EDA: variants seen among roughly 807,000 people sequenced by gnomAD.
EDA encodes ectodysplasin-A.
In EDA, 2 loss-of-function variants were observed where a neutral mutation model predicts 23.6. The observed-to-expected ratio is 0.08, with a 90% CI of 0.03 to 0.27. The LOEUF (loss-of-function observed/expected upper bound fraction) is 0.27, where lower values mean the gene tolerates loss of function less well. Among genes scored for constraint, EDA ranks in the 10% least tolerant of loss-of-function variants. The pLI is 1.00. For missense variants in EDA, 229 were observed against 324.2 expected (o/e 0.71, Z 2.26); for synonymous variants, 131 against 132.0 (o/e 0.99, Z 0.05).
intron 1 of EDA, among the ~76,000 whole-genome samples, chrX:69,651,059 G>A (rs1933089457): frequency 1.8e-5 from 2 of 111,643 alleles, no homozygotes; most frequent in Admixed American, 1.9e-4. Context: ...GTAGAGTTTG[G>A]ATTCTGTTCT....
At chrX:69,789,815 A>G (rs1488061712) in intron 1 of EDA, among the ~76,000 whole-genome samples, 1 of 112,195 alleles carries the variant, frequency 8.9e-6, no homozygotes, top group South Asian at 3.7e-4. Flanking sequence ...TAGGTGATCT[A>G]CTAATATAGC....
At chrX:69,893,050 A>C (rs754407333) in intron 1 of EDA, among the ~76,000 whole-genome samples, 1 of 111,498 alleles carries the variant, frequency 9.0e-6, no homozygotes, top group Non-Finnish European at 1.9e-5. Context: ...GGAGGCTAGA[A>C]GTCCAAAATC....
At chrX:69,701,331 G>C (rs2011527707) in intron 1 of EDA, among the ~76,000 whole-genome samples, 1 of 111,239 alleles carries the variant, frequency 9.0e-6, no homozygotes, top group Admixed American at 9.5e-5. Flanking sequence ...GTCCTCCGCA[G>C]AGGGGGCATG....
intron 1 of EDA, among the ~76,000 whole-genome samples, chrX:69,726,523 C>G (rs2012808787): frequency 8.9e-6 from 1 of 112,600 alleles, no homozygotes; most frequent in Non-Finnish European, 1.9e-5. Context: ...TCATCCAGTG[C>G]TCCTCTAACT....
intron 6 of EDA, 117 bp downstream of exon 6, chrX:70,030,637 G>A (rs886931211): frequency 1.2e-4 from 80 of 685,661 alleles, no homozygotes; most frequent in Non-Finnish European, 1.6e-4. Context: ...GTTGGCATAC[G>A]AAGTCATTCT....
intron 1 of EDA, among the ~76,000 whole-genome samples, chrX:69,755,596 G>C (rs1011934814): frequency 8.9e-6 from 1 of 112,323 alleles, no homozygotes; most frequent in Non-Finnish European, 1.9e-5. Context: ...AAAGCTGTCA[G>C]ACAGAGACAT....
At chrX:70,001,893 A>G (rs2019745389) in intron 2 of EDA, among the ~76,000 whole-genome samples, 1 of 111,633 alleles carries the variant, frequency 9.0e-6, no homozygotes, top group Non-Finnish European at 1.9e-5. Context: ...GTCCTAGAGT[A>G]GTGGTTCTCA....
chrX:69,937,154 T>G, intron 1 of EDA: 1 of 1,079,160 alleles, frequency 9.3e-7, no homozygotes, highest in Non-Finnish European at 1.3e-6. Flanking sequence ...AAAGGACTAT[T>G]TCATGTCATG....
Position 69,698,777 on chromosome X carries a change from G to T in EDA, c.396+82073G>T, listed in dbSNP as rs1031266560. ...GATTGGGGCCTGTAGGGTGTGTGGA[G>T]AATCCATTTTATTCCCAAGGATGTA... On this transcript the variant is annotated intron_variant, in intron 1 of 7. Transcript: ENST00000374552. Among the ~76,000 whole-genome samples, 8 of 110,982 alleles carry T rather than the reference G, an allele frequency of 7.2e-5. No homozygotes were observed. The Admixed American group carries it at 7.7e-4, about 11-fold the overall frequency.
chrX:69,818,511 A>G (rs2016133787), intron 1 of EDA, among the ~76,000 whole-genome samples: 1 of 111,861 alleles, frequency 8.9e-6, no homozygotes, highest in Admixed American at 9.5e-5. Context: ...TCAAATAAAC[A>G]CAATCAGAAA....
At chrX:70,032,988 G>C (rs762753028) in intron 6 of EDA, among the ~76,000 whole-genome samples, 1 of 112,876 alleles carries the variant, frequency 8.9e-6, no homozygotes, top group East Asian at 2.8e-4. Context: ...CAGGAGCTCT[G>C]GCTGGGAAAG....
chrX:69,719,016 T>C (rs961422302), intron 1 of EDA, among the ~76,000 whole-genome samples: 11 of 111,732 alleles, frequency 9.8e-5, no homozygotes, highest in Non-Finnish European at 1.9e-4. Context: ...TTCATCTTGG[T>C]TGAGGCTTGG....
chrX:69,843,920 G>A (rs1289982414), intron 1 of EDA, among the ~76,000 whole-genome samples: 1 of 107,331 alleles, frequency 9.3e-6, no homozygotes, highest in Middle Eastern at 4.3e-3. Flanking sequence ...TACTCGGGAG[G>A]CGGAGGCAGG....
intron 1 of EDA, among the ~76,000 whole-genome samples, chrX:69,869,548 G>A (rs1473028606): frequency 2.7e-5 from 3 of 111,433 alleles, no homozygotes; most frequent in South Asian, 3.9e-4. Context: ...GTCTGTAAAC[G>A]GGCTCAAGTC....
intron 1 of EDA, among the ~76,000 whole-genome samples, chrX:69,756,161 C>G (rs1163148637): frequency 2.7e-5 from 3 of 112,163 alleles, no homozygotes; most frequent in Non-Finnish European, 5.6e-5. Context: ...GGAGCTGTTC[C>G]TATTCGGCCA....
rs1188168540 is a variant in EDA at position 69,616,280 on chromosome X, C to G, written c.-29C>G. 1 of 1,164,759 alleles carries G rather than the reference C, an allele frequency of 8.6e-7. No homozygotes were observed. Among genetic ancestry groups the G allele is most frequent in the Admixed American group, 2.5e-5 (1 of 40,319 alleles). On this transcript the variant is annotated 5_prime_UTR_variant, in exon 1 of 8. Transcript: ENST00000374552. ...TGAGGCAGACGCAGCGGCTCCCGGG[C>G]CTCAAGAGAGTGGGTGTCTCCGGAG...
At chrX:69,770,480 T>C (rs1478121857) in intron 1 of EDA, among the ~76,000 whole-genome samples, 1 of 112,240 alleles carries the variant, frequency 8.9e-6, no homozygotes, top group Non-Finnish European at 1.9e-5. Context: ...CATTTTCTAA[T>C]GGCTAATGTG....
chrX:69,996,919 T>A (rs2019665262), intron 2 of EDA, among the ~76,000 whole-genome samples: 1 of 112,338 alleles, frequency 8.9e-6, no homozygotes, highest in African/African-American at 3.2e-5. Flanking sequence ...GAGACGTGCC[T>A]TTCACCTTCC....
chrX:69,835,141 T>C (rs1205754492), intron 1 of EDA, among the ~76,000 whole-genome samples: 1 of 78,654 alleles, frequency 1.3e-5, no homozygotes, highest in Non-Finnish European at 2.9e-5. Flanking sequence ...TGGCTGCCCT[T>C]AACACTTTTT....
Sources: allele counts gnomAD v4.1 joint callset (sites outside exome capture counted in the v4.1 genomes callset), GRCh38; gene constraint gnomAD v4.1.1; transcripts MANE v1.5; gene names NCBI Gene and HGNC (gene_info 2026-07-23, HGNC 2026-07-21).